Variants in SOX5 observed in about 807,000 individuals in gnomAD.
The protein encoded by SOX5 is SRY-box transcription factor 5, also known as transcription factor SOX-5.
A neutral mutation model predicts 92.0 loss-of-function variants in SOX5; 9 were observed. That is an observed-to-expected ratio of 0.10 (90% CI 0.06 to 0.17). The LOEUF is 0.17. SOX5 is among the 10% of genes least tolerant of loss of function. The probability of loss-of-function intolerance (pLI) is 1.00; values close to 1 mark genes in which losing one functional copy is unlikely to be tolerated. For missense variants in SOX5, 642 were observed against 944.5 expected (o/e 0.68, Z 4.20); for synonymous variants, 344 against 336.3 (o/e 1.02, Z -0.25).
At chr12:23,775,949 TGGGCAG>T (rs2095084376) in intron 3 of SOX5, among the ~76,000 whole-genome samples, 1 of 152,100 alleles carries the variant, frequency 6.6e-6, no homozygotes, top group Admixed American at 6.6e-5. Context: ...CCAAGGACTG[TGGGCAG>T]GGGGAGGGGA....
chr12:23,607,807 A>T lies in SOX5; in HGVS notation c.1018-3274T>A, dbSNP rs2075430792. Among the ~76,000 whole-genome samples, 4 of 152,314 alleles carry T rather than the reference A, an allele frequency of 2.6e-5. No individual in the cohort carries two copies. The South Asian group carries it at 8.3e-4, about 32-fold the overall frequency. On this transcript the variant is annotated intron_variant, in intron 8 of 14. Transcript: ENST00000451604. Reference sequence around the variant, plus strand: ...TATGTTTGTACGTATGTATGCCTGTATGTCTTAAAGTGAAAATCTGGTTAA... The same window carrying T: ...TATGTTTGTACGTATGTATGCCTGTTTGTCTTAAAGTGAAAATCTGGTTAA...
chr12:23,704,610 G>A (rs1170446053), intron 6 of SOX5, among the ~76,000 whole-genome samples: 1 of 149,130 alleles, frequency 6.7e-6, no homozygotes, highest in African/African-American at 2.5e-5. Flanking sequence ...TCTCAGGTCT[G>A]CATTCCCCTG....
Position 23,532,189 on chromosome 12 carries a change from CAAAAACAAACAAACAG to C in SOX5, c.*2014_*2029del, listed in dbSNP as rs1939237235. 6.6e-6 allele frequency: 1 copy of C among 151,532 alleles called. No individual in the cohort carries two copies. The highest frequency in any genetic ancestry group is 2.4e-5 in the African/African-American group (1 of 41,292). 9.4% of individuals were successfully genotyped at this position (151,532 alleles called of 1,614,324 possible). On this transcript the variant is annotated 3_prime_UTR_variant, in exon 15 of 15. Coordinates refer to ENST00000451604, the MANE Select transcript of SOX5 (RefSeq NM_006940.6). ...GCAGTTCAAATGTAAATAAAGTCAT[CAAAAACAAACAAACAG>C]AAAAACAAACAAAATGAAATCTCTG...
intron 4 of SOX5, among the ~76,000 whole-genome samples, chr12:24,203,200 A>G (rs1416752991): frequency 6.6e-6 from 1 of 152,196 alleles, no homozygotes; most frequent in Non-Finnish European, 1.5e-5. Flanking sequence ...TTTCTTGCTC[A>G]AATGTCCCGA....
intron 3 of SOX5, among the ~76,000 whole-genome samples, chr12:24,240,579 G>C (rs1965375646): frequency 6.6e-6 from 1 of 151,974 alleles, no homozygotes; most frequent in African/African-American, 2.4e-5. Context: ...TCCTATTTGG[G>C]CAAGAATTGA....
chr12:23,608,108 G>GAAAAAAAAA (rs1566278538), intron 8 of SOX5, among the ~76,000 whole-genome samples: 2 of 5,674 alleles, frequency 3.5e-4, no homozygotes, highest in Admixed American at 6.2e-3. Flanking sequence ...TGTCTCAAAA[G>GAAAAAAAAA]AAAAAAGAAA....
chr12:24,109,987 GAAT>G (rs2138120846), intron 4 of SOX5, among the ~76,000 whole-genome samples: 1 of 152,214 alleles, frequency 6.6e-6, no homozygotes, highest in Non-Finnish European at 1.5e-5. Flanking sequence ...CACATTGTTA[GAAT>G]AATGATGAGG....
chr12:23,703,556 G>A (rs2090963055), intron 6 of SOX5, among the ~76,000 whole-genome samples: 1 of 151,874 alleles, frequency 6.6e-6, no homozygotes, highest in South Asian at 2.1e-4. Flanking sequence ...AGGTAAAATT[G>A]TTTCCCATCT....
intron 1 of SOX5, among the ~76,000 whole-genome samples, chr12:24,525,809 C>T (rs368215327): frequency 6.6e-6 from 1 of 151,684 alleles, no homozygotes; most frequent in Non-Finnish European, 1.5e-5. Context: ...GAGCCGAGAT[C>T]GCGCCACTGC....
At chr12:23,969,938 C>A (rs1384210623) in intron 4 of SOX5, among the ~76,000 whole-genome samples, 1 of 152,146 alleles carries the variant, frequency 6.6e-6, no homozygotes, top group African/African-American at 2.4e-5. Context: ...AGTGTGCCGG[C>A]AAAACTCCAC....
intron 4 of SOX5, among the ~76,000 whole-genome samples, chr12:24,106,807 A>C (rs1490686338): frequency 7.4e-6 from 1 of 135,738 alleles, no homozygotes; most frequent in Non-Finnish European, 1.6e-5. Flanking sequence ...TAATAATAAT[A>C]ATAATAATAA....
intron 4 of SOX5, among the ~76,000 whole-genome samples, chr12:24,016,679 A>C (rs942086484): frequency 1.3e-5 from 2 of 152,224 alleles, no homozygotes; most frequent in African/African-American, 4.8e-5. Flanking sequence ...TCACAACCCC[A>C]AAGAGTTTGG....
chr12:24,065,645 C>CAAAAAAAAAAAAAAAAAAAAAA (rs71445983), intron 4 of SOX5, among the ~76,000 whole-genome samples: 2 of 81,670 alleles, frequency 2.4e-5, no homozygotes, highest in East Asian at 3.7e-4. Flanking sequence ...GACTCCATCT[C>CAAAAAAAAAAAAAAAAAAAAAA]AAAAAAAAAA....
intron 1 of SOX5, among the ~76,000 whole-genome samples, chr12:24,534,100 A>G (rs1007271099): frequency 3.3e-5 from 5 of 152,210 alleles, no homozygotes; most frequent in Non-Finnish European, 7.3e-5. Flanking sequence ...ATTCTAGGTA[A>G]AGGTTTTGAA....
chr12:23,828,958 G>A (rs1318991302), intron 3 of SOX5, among the ~76,000 whole-genome samples: 1 of 152,066 alleles, frequency 6.6e-6, no homozygotes, highest in Non-Finnish European at 1.5e-5. Context: ...CCTTCACGAT[G>A]CTGGCCATAT....
At chr12:23,597,807 A>T (rs1952714247) in intron 9 of SOX5, among the ~76,000 whole-genome samples, 1 of 152,236 alleles carries the variant, frequency 6.6e-6, no homozygotes, top group African/African-American at 2.4e-5. Flanking sequence ...ATAGCTATTT[A>T]ACAAAGAATA....
chr12:23,543,415 C>A (rs758559313), intron 12 of SOX5, 31 bp from the exon 13 acceptor site: 9 of 1,584,034 alleles, frequency 5.7e-6, no homozygotes, highest in Non-Finnish European at 7.8e-6. Flanking sequence ...TTCGTGTTAG[C>A]GTTAAAACTT....
chr12:24,406,365 A>G (rs1488876346), intron 1 of SOX5, among the ~76,000 whole-genome samples: 3 of 152,076 alleles, frequency 2.0e-5, no homozygotes, highest in Non-Finnish European at 2.9e-5. Context: ...GTCTCCCAAA[A>G]GTGATCAACT....
intron 4 of SOX5, among the ~76,000 whole-genome samples, chr12:24,030,238 A>G (rs1458604302): frequency 3.3e-5 from 5 of 151,962 alleles, no homozygotes; most frequent in Admixed American, 3.3e-4. Flanking sequence ...CAAATAGCCA[A>G]ATAAATCTAC....
Sources: gnomAD v4.1 joint callset for allele counts (sites outside exome capture counted in the v4.1 genomes callset) on GRCh38, gnomAD v4.1.1 for gene constraint, MANE v1.5 for transcripts, NCBI Gene and HGNC (gene_info 2026-07-23, HGNC 2026-07-21) for gene names.